RSU1: variants seen among roughly 807,000 people sequenced by gnomAD.
RSU1 encodes the protein rsu-1.
RSU1 carries 26 observed loss-of-function variants against 31.1 expected under a neutral mutation model. The ratio of observed to expected loss-of-function variants is 0.84; its 90% CI spans 0.61 to 1.16. The LOEUF (loss-of-function observed/expected upper bound fraction) is 1.16, where lower values mean the gene tolerates loss of function less well. RSU1 is among the 50% of genes most tolerant of loss of function. RSU1 has a pLI of 0.00. For synonymous variants in RSU1, 164 were observed against 136.3 expected (o/e 1.20, Z -1.41); for missense variants, 320 against 339.1 (o/e 0.94, Z 0.44).
chr10:16,805,342 C>CAGCT (rs1415343139), intron 2 of RSU1, among the ~76,000 whole-genome samples: 1 of 152,144 alleles, frequency 6.6e-6, no homozygotes, highest in Non-Finnish European at 1.5e-5. Flanking sequence ...CTTCCTGCTC[C>CAGCT]AGCTCTCTGT....
At position 16,707,577 on chromosome 10, in the gene RSU1, T is replaced by TA. The variant is rs1282534962; in HGVS notation, c.599-12423_599-12422insT. On this transcript the variant is annotated intron_variant, in intron 7 of 8. Transcript: ENST00000345264. ...GCCCATTTTCTTAATCAGGTTTTTT[T>TA]TTTTTTTGCTGTTATGATCCTTTTA... Among the ~76,000 whole-genome samples, 4 of 151,930 alleles carry TA rather than the reference T, an allele frequency of 2.6e-5. No individual in the cohort carries two copies. In the East Asian group the frequency reaches 7.7e-4, roughly 29 times the overall value.
intron 8 of RSU1, among the ~76,000 whole-genome samples, chr10:16,655,697 C>T (rs1032960802): frequency 6.6e-6 from 1 of 152,258 alleles, no homozygotes; most frequent in African/African-American, 2.4e-5. Flanking sequence ...GGCAACCCTA[C>T]GTCAAGCAAG....
intron 8 of RSU1, among the ~76,000 whole-genome samples, chr10:16,651,043 AAATT>A (rs1485472353): frequency 6.6e-6 from 1 of 152,232 alleles, no homozygotes; most frequent in East Asian, 1.9e-4. Context: ...TTTATTAGAT[AAATT>A]AATTTTTATT....
chr10:16,781,675 G>C (rs1302394157), intron 3 of RSU1, among the ~76,000 whole-genome samples: 1 of 151,956 alleles, frequency 6.6e-6, no homozygotes, highest in African/African-American at 2.4e-5. Flanking sequence ...TTTCTCTTTG[G>C]TTTATAAACA....
intron 8 of RSU1, among the ~76,000 whole-genome samples, chr10:16,660,106 C>G (rs758375238): frequency 1.3e-5 from 2 of 152,174 alleles, no homozygotes; most frequent in Non-Finnish European, 2.9e-5. Context: ...TGTTTACTGT[C>G]TAGTAAGGTA....
rs78205433 is a variant in RSU1 at position 16,773,937 on chromosome 10, A to G, written c.160+8097T>C. On this transcript the variant is annotated intron_variant, in intron 3 of 8. Transcript: ENST00000345264. The stretch of plus-strand genomic sequence containing the variant: ...AATAGATAGGCAGGGGAAAAAAGCT[A>G]AAGAACCAGCAAAAAATTAGACAAA... Among the ~76,000 whole-genome samples the G allele has an allele frequency of 2.1e-3, 323 of 152,310 alleles. 2 individuals carry two copies. The highest frequency in any genetic ancestry group is 6.5e-3 in the Admixed American group (100 of 15,298).
chr10:16,760,372 G>A (rs1837182778), intron 4 of RSU1, among the ~76,000 whole-genome samples: 1 of 151,964 alleles, frequency 6.6e-6, no homozygotes, highest in Non-Finnish European at 1.5e-5. Context: ...AGCTGGGTGT[G>A]GGTGTGTGCA....
At position 16,669,647 on chromosome 10, in the gene RSU1, C is replaced by A. The variant is rs566229206; in HGVS notation, c.731+25376G>T. 3.3e-5 allele frequency among the ~76,000 whole-genome samples: 5 copies of A among 152,064 alleles called. No homozygotes were observed. The South Asian group carries it at 1.0e-3, about 32-fold the overall frequency. ...CCTGTGTCTATGTATTCTCATTGTTCGGCTCCCACTTACAAATGAGAACAT... is the reference window on the plus strand; with the variant it reads ...CCTGTGTCTATGTATTCTCATTGTTAGGCTCCCACTTACAAATGAGAACAT... On this transcript the variant is annotated intron_variant, in intron 8 of 8. Coordinates refer to ENST00000345264, the MANE Select transcript of RSU1 (RefSeq NM_012425.4).
At chr10:16,736,681 G>A (rs1836635011) in intron 7 of RSU1, among the ~76,000 whole-genome samples, 1 of 151,752 alleles carries the variant, frequency 6.6e-6, no homozygotes. Context: ...AGAGTAAGAG[G>A]AAAAAAGTGG....
intron 3 of RSU1, among the ~76,000 whole-genome samples, chr10:16,764,835 A>T (rs1031514): frequency 6.6e-6 from 1 of 151,066 alleles, no homozygotes; most frequent in East Asian, 2.0e-4. Flanking sequence ...ATGAATATTA[A>T]GAAGCATATA....
At chr10:16,741,880 ATGTT>A (rs1211912794) in intron 7 of RSU1, among the ~76,000 whole-genome samples, 1 of 152,130 alleles carries the variant, frequency 6.6e-6, no homozygotes, top group Middle Eastern at 3.2e-3. Flanking sequence ...CCATTTTGTA[ATGTT>A]TATTTGTGCA....
intron 8 of RSU1, among the ~76,000 whole-genome samples, chr10:16,659,591 G>T (rs969174668): frequency 6.6e-6 from 1 of 151,968 alleles, no homozygotes; most frequent in Admixed American, 6.6e-5. Flanking sequence ...CTGTTCCATT[G>T]GTCTCTTTGT....
chr10:16,653,750 A>G (rs1053376745), intron 8 of RSU1, among the ~76,000 whole-genome samples: 7 of 152,140 alleles, frequency 4.6e-5, no homozygotes, highest in Admixed American at 2.0e-4. Flanking sequence ...AAAGAAGATA[A>G]TATCGGACAA....
chr10:16,776,995 C>T (rs752164717), intron 3 of RSU1, among the ~76,000 whole-genome samples: 6 of 151,426 alleles, frequency 4.0e-5, no homozygotes, highest in East Asian at 3.9e-4. Context: ...GCAATGTTTA[C>T]GTGTGGGTTT....
intron 8 of RSU1, among the ~76,000 whole-genome samples, chr10:16,638,165 A>C (rs1457847262): frequency 6.6e-6 from 1 of 152,206 alleles, no homozygotes; most frequent in Admixed American, 6.5e-5. Context: ...CTACTCTTCC[A>C]AAAAGGGTTC....
chr10:16,652,044 A>C (rs1439816506), intron 8 of RSU1, among the ~76,000 whole-genome samples: 1 of 152,180 alleles, frequency 6.6e-6, no homozygotes, highest in African/African-American at 2.4e-5. Context: ...ATGTACGCAA[A>C]AACTATGTAA....
rs547563304 is a variant in RSU1 at position 16,697,252 on chromosome 10, G to A, written c.599-2097C>T. 2.0e-5 allele frequency among the ~76,000 whole-genome samples: 3 copies of A among 152,262 alleles called. No individual in the cohort carries two copies. The South Asian group carries it at 6.2e-4, about 32-fold the overall frequency. On this transcript the variant is annotated intron_variant, in intron 7 of 8. Transcript: ENST00000345264. ...TATATCTCTCTTAAAACATTCACCT[G>A]AGAAACAACCTATGCTTACATCTTG...
intron 2 of RSU1, among the ~76,000 whole-genome samples, chr10:16,792,404 TG>T (rs1373707495): frequency 6.6e-6 from 1 of 152,192 alleles, no homozygotes; most frequent in Non-Finnish European, 1.5e-5. Flanking sequence ...GGCTAATTTT[TG>T]TATTTTTAAT....
At chr10:16,731,079 G>A (rs1243079711) in intron 7 of RSU1, among the ~76,000 whole-genome samples, 2 of 152,106 alleles carry the variant, frequency 1.3e-5, no homozygotes, top group African/African-American at 4.8e-5. Context: ...CTCCCAAAGT[G>A]CTGGGATTAC....
Sources: allele counts gnomAD v4.1 joint callset (sites outside exome capture counted in the v4.1 genomes callset), GRCh38; gene constraint gnomAD v4.1.1; transcripts MANE v1.5; gene names NCBI Gene and HGNC (gene_info 2026-07-23, HGNC 2026-07-21).